Variants in TTC38 observed in about 807,000 individuals in gnomAD.
TTC38 encodes the protein tetratricopeptide repeat protein 38.
TTC38 carries 64 observed loss-of-function variants against 64.2 expected under a neutral mutation model. That is an observed-to-expected ratio of 1.00 (90% CI 0.81 to 1.23). The LOEUF (loss-of-function observed/expected upper bound fraction) is 1.23, where lower values mean the gene tolerates loss of function less well. Among genes scored for constraint, TTC38 ranks in the 50% most tolerant of loss-of-function variants. The pLI is 0.00. For missense variants in TTC38, 573 were observed against 615.5 expected (o/e 0.93, Z 0.73); for synonymous variants, 254 against 249.3 (o/e 1.02, Z -0.18).
intron 8 of TTC38, 21 bp downstream of exon 8, chr22:46,284,053 C>A: frequency 6.3e-7 from 1 of 1,596,026 alleles, no homozygotes; most frequent in Non-Finnish European, 8.6e-7. Context: ...CATCTGTTTG[C>A]ACTGTCTTAT....
rs1936943546 is a variant in TTC38 at position 46,273,651 on chromosome 22, C to T, written c.194-247C>T. Among the ~76,000 whole-genome samples the T allele has an allele frequency of 6.6e-6, 1 of 152,238 alleles. No homozygotes were observed. Among genetic ancestry groups the T allele is most frequent in the Admixed American group, 6.5e-5 (1 of 15,286 alleles). ...TTGAAGGGGGAAGGTGCTTTAGACACTGGCACTCAGCAGAATGCCCTCACT... is the reference window on the plus strand; with the variant it reads ...TTGAAGGGGGAAGGTGCTTTAGACATTGGCACTCAGCAGAATGCCCTCACT... On this transcript the variant is annotated intron_variant, in intron 3 of 13. Coordinates refer to ENST00000381031, the MANE Select transcript of TTC38 (RefSeq NM_017931.4). This position sits in a 1 kb window ranked among gnomAD's most constrained non-coding sequence, Gnocchi z 5.1.
chr22:46,289,195 C>T (rs2077593701), intron 11 of TTC38, among the ~76,000 whole-genome samples: 1 of 152,182 alleles, frequency 6.6e-6, no homozygotes, highest in Admixed American at 6.5e-5. Context: ...GACCAGGTAG[C>T]TGGAAGTGGG....
Position 46,289,823 on chromosome 22 carries a change from CAG to C in TTC38, c.1246_1247del. On this transcript the variant is annotated splice_acceptor_variant, in intron 12 of 13. Coordinates refer to ENST00000381031, the MANE Select transcript of TTC38 (RefSeq NM_017931.4). LOFTEE classifies it high-confidence loss of function. ...AGACTCACATGCCCGATTGACATTT[CAG>C]AGAGACGTCTTCAACCAGCTGCTGA... 1 of 1,614,158 alleles carries C rather than the reference CAG, an allele frequency of 6.2e-7. No individual in the cohort carries two copies.
In TTC38 at chr22:46,289,811, C is replaced by G. The variant is rs201330027; in HGVS notation, c.1243-15C>G. On this transcript the variant is annotated splice_polypyrimidine_tract_variant and intron_variant, in intron 12 of 13. Coordinates refer to ENST00000381031, the MANE Select transcript of TTC38 (RefSeq NM_017931.4). ...CTGAGGTACAGGAGACTCACATGCC[C>G]GATTGACATTTCAGAGAGACGTCTT... 2.7e-5 allele frequency: 43 copies of G among 1,613,894 alleles called. No individual in the cohort carries two copies. Among genetic ancestry groups the G allele is most frequent in the Non-Finnish European group, 3.2e-5 (38 of 1,179,890 alleles).
chr22:46,290,846 C>T (rs1484934821), intron 13 of TTC38, among the ~76,000 whole-genome samples: 2 of 152,190 alleles, frequency 1.3e-5, no homozygotes, highest in South Asian at 2.1e-4. Context: ...CTGCGTAGCC[C>T]GTGTGCCTGA....
intron 11 of TTC38, 62 bp from the exon 12 acceptor site, chr22:46,289,340 T>C: frequency 1.1e-5 from 17 of 1,568,820 alleles, no homozygotes; most frequent in South Asian, 8.1e-5. Flanking sequence ...AAGAAATGGC[T>C]CTGCCCTTCC....
chr22:46,271,558 C>T lies in TTC38; in HGVS notation c.112-777C>T, dbSNP rs1270434587. Among the ~76,000 whole-genome samples, 1 of 152,110 alleles carries T rather than the reference C, an allele frequency of 6.6e-6. No individual in the cohort carries two copies. Among genetic ancestry groups the T allele is most frequent in the African/African-American group, 2.4e-5 (1 of 41,396 alleles). The stretch of plus-strand genomic sequence containing the variant: ...TCACCCAGGCTGGGGTGCAGTGGCA[C>T]GATCTCAGCTCACTGCAACCTCTAC... On this transcript the variant is annotated intron_variant, in intron 2 of 13. Transcript: ENST00000381031. The surrounding 1 kb of genome is among the most constrained non-coding windows in gnomAD (Gnocchi z 5.5).
At chr22:46,289,707 G>C in intron 12 of TTC38, 119 bp from the exon 13 acceptor site, 1 of 1,472,696 alleles carries the variant, frequency 6.8e-7, no homozygotes, top group Non-Finnish European at 9.5e-7. Context: ...TAAGTTCGTC[G>C]TTGAGGGTGT....
In TTC38 at chr22:46,289,914, C is replaced by T. The variant is rs2077601486; in HGVS notation, c.1316+15C>T. The T allele has an allele frequency of 2.5e-6, 4 of 1,612,600 alleles. No homozygotes were observed. The highest frequency in any genetic ancestry group is 1.3e-5 in the African/African-American group (1 of 74,918). The stretch of plus-strand genomic sequence containing the variant: ...AACGTAGCCCGGTGAGCTCCTGGCC[C>T]CTGCCCAGCACTCCCGACCTTCACA... On this transcript the variant is annotated intron_variant, in intron 13 of 13. Coordinates refer to ENST00000381031, the MANE Select transcript of TTC38 (RefSeq NM_017931.4).
intron 9 of TTC38, 104 bp downstream of exon 9, chr22:46,285,383 C>A: frequency 8.9e-7 from 1 of 1,118,796 alleles, no homozygotes; most frequent in Non-Finnish European, 1.4e-6. Context: ...GCCAGAAAAA[C>A]AGCTGGAGCA....
At chr22:46,285,832 G>A (rs2077567595) in intron 9 of TTC38, among the ~76,000 whole-genome samples, 1 of 151,894 alleles carries the variant, frequency 6.6e-6, no homozygotes, top group African/African-American at 2.4e-5. Context: ...GGCCAACATG[G>A]TGAAACGCTG....
rs1472046406 is a variant in TTC38 at position 46,292,547 on chromosome 22, T to C, written c.1317-244T>C. Among the ~76,000 whole-genome samples, 1 of 152,218 alleles carries C rather than the reference T, an allele frequency of 6.6e-6. No individual in the cohort carries two copies. Among genetic ancestry groups the C allele is most frequent in the Non-Finnish European group, 1.5e-5 (1 of 68,034 alleles). ...GGGTCTTCTCTCTTCAAACCTGGGT[T>C]TTCCCCACTGCCACCTGTTGTGCCC... On this transcript the variant is annotated intron_variant, in intron 13 of 13. Coordinates refer to ENST00000381031, the MANE Select transcript of TTC38 (RefSeq NM_017931.4). This position sits in a 1 kb window ranked among gnomAD's most constrained non-coding sequence, Gnocchi z 6.5.
Position 46,274,004 on chromosome 22 carries a change from A to G in TTC38, c.300A>G (p.Ser100=), listed in dbSNP as rs374225603. ...CTGTGAAGACAATGGTGGAGATTTC[A>G]AGAACCCAGCCGCTGACAAGGCGGG... ...DLAVKTMVEI[S]RTQPLTRREQ... is the part of the protein sequence containing the mutation. Residue 100 remains serine (S), a synonymous_variant, in exon 4 of 14, where the codon TCA becomes TCG. Transcript: ENST00000381031. This position sits in a 1 kb window ranked among gnomAD's most constrained non-coding sequence, Gnocchi z 4.8. 6.2e-7 allele frequency: 1 copy of G among 1,614,104 alleles called. No individual in the cohort carries two copies. Among genetic ancestry groups the G allele is most frequent in the Non-Finnish European group, 8.5e-7 (1 of 1,180,050 alleles).
chr22:46,290,155 A>T, intron 13 of TTC38, among the ~76,000 whole-genome samples: 1 of 152,144 alleles, frequency 6.6e-6, no homozygotes, highest in East Asian at 1.9e-4. Context: ...CTACCTGGGT[A>T]CGTAAACACG....
At chr22:46,280,073 C>T (rs1457664967) in intron 6 of TTC38, 2 of 469,490 alleles carry the variant, frequency 4.3e-6, no homozygotes, top group South Asian at 1.6e-5. Flanking sequence ...TTGCAGGCAC[C>T]AACTCTTTGT....
chr22:46,268,653 T>G, intron 2 of TTC38, 62 bp downstream of exon 2: 1 of 1,486,952 alleles, frequency 6.7e-7, no homozygotes, highest in South Asian at 1.1e-5. Context: ...GTTTTTTAAT[T>G]GGGGAAAGCT....
chr22:46,276,767 A>G lies in TTC38; in HGVS notation c.539+1346A>G, dbSNP rs1200847469. Among the ~76,000 whole-genome samples, 2 of 139,712 alleles carry G rather than the reference A, an allele frequency of 1.4e-5. No individual in the cohort carries two copies. The highest frequency in any genetic ancestry group is 2.1e-4 in the South Asian group (1 of 4,712). 91.7% of individuals were successfully genotyped at this position (139,712 alleles called of 152,430 possible). ...TATAAAATACATATATTAAAAATAT[A>G]TATTAAATATATATTAAAATATATA... On this transcript the variant is annotated intron_variant, in intron 5 of 13. Transcript: ENST00000381031. This position sits in a 1 kb window ranked among gnomAD's most constrained non-coding sequence, Gnocchi z 4.7.
intron 6 of TTC38, among the ~76,000 whole-genome samples, chr22:46,279,824 C>T (rs1238436265): frequency 1.3e-5 from 2 of 152,162 alleles, no homozygotes; most frequent in African/African-American, 4.8e-5. Flanking sequence ...AGGAAAGTCC[C>T]TTGGAGACCA....
chr22:46,287,663 C>T (rs1251859040), intron 10 of TTC38, among the ~76,000 whole-genome samples: 1 of 152,226 alleles, frequency 6.6e-6, no homozygotes, highest in African/African-American at 2.4e-5. Flanking sequence ...ATGGTTCTCC[C>T]CTTGTCTCAG....
Sources: allele counts gnomAD v4.1 joint callset (sites outside exome capture counted in the v4.1 genomes callset), GRCh38; gene constraint gnomAD v4.1.1; non-coding constraint Gnocchi (gnomAD v3.1); transcripts MANE v1.5; gene names NCBI Gene and HGNC (gene_info 2026-07-23, HGNC 2026-07-21).